Variants in LGSN observed in about 807,000 individuals in gnomAD.
LGSN encodes lengsin, lens protein with glutamine synthetase domain.
LGSN carries 21 observed loss-of-function variants against 19.5 expected under a neutral mutation model. The observed-to-expected ratio is 1.07, with a 90% CI of 0.76 to 1.55. The LOEUF (loss-of-function observed/expected upper bound fraction) is 1.55, where lower values mean the gene tolerates loss of function less well. Among genes scored for constraint, LGSN ranks in the 40% most tolerant of loss-of-function variants. LGSN has a pLI of 0.00. For synonymous variants in LGSN, 257 were observed against 215.6 expected (o/e 1.19, Z -1.68); for missense variants, 673 against 608.5 (o/e 1.11, Z -1.12).
the LGSN span, among the ~76,000 whole-genome samples, chr6:63,449,850 A>G: frequency 6.6e-6 from 1 of 152,210 alleles, no homozygotes; most frequent in Non-Finnish European, 1.5e-5. Flanking sequence ...AAGTAATGTA[A>G]GCCACTATGT....
chr6:63,539,300 A>G, the LGSN span, among the ~76,000 whole-genome samples: 1 of 152,228 alleles, frequency 6.6e-6, no homozygotes, highest in African/African-American at 2.4e-5. Flanking sequence ...TTCAATAAGT[A>G]TACTTGATCT....
rs754238083 is a variant in LGSN, at chr6:63,280,478, AG to A, written c.1072del (p.Leu358Ter). On this transcript the variant is annotated frameshift_variant, in exon 4 of 4. Coordinates refer to ENST00000370657, the MANE Select transcript of LGSN (RefSeq NM_016571.3). LOFTEE classifies it low-confidence loss of function (END_TRUNC). ...TCGGCAGCTAACAGAAGGCGCCATC[AG>A]GCAGCTGAGCGCAGCAGAGTGCTTC... is the stretch of plus-strand genomic sequence containing the variant. ...LLKHSAALSCLMAPSVSCRKR... is the reference protein window; with the variant it reads ...LLKHSAALSCXMAPSVSCRKR... 2 of 1,614,156 alleles carry A rather than the reference AG, an allele frequency of 1.2e-6. No homozygotes were observed. Among genetic ancestry groups the A allele is most frequent in the Non-Finnish European group, 1.7e-6 (2 of 1,180,038 alleles).
At chr6:63,478,005 T>G in the LGSN span, among the ~76,000 whole-genome samples, 316 of 152,248 alleles carry the variant, frequency 2.1e-3, 3 homozygotes, top group Admixed American at 5.2e-3. Flanking sequence ...CTCCTCCTAC[T>G]TCTCATATTC....
chr6:63,460,148 C>T, the LGSN span, among the ~76,000 whole-genome samples: 1,941 of 104,200 alleles, frequency 0.019, 59 homozygotes, highest in African/African-American at 0.068. Context: ...TTAGTAGAGA[C>T]GGAGTTTCAA....
chr6:63,497,389 C>A, the LGSN span, among the ~76,000 whole-genome samples: 81,076 of 151,664 alleles, frequency 0.53, 23,525 homozygotes, highest in African/African-American at 0.77. Flanking sequence ...TCTCTACTAA[C>A]AATACAAAAA....
chr6:63,497,924 T>C, the LGSN span, among the ~76,000 whole-genome samples: 1 of 145,976 alleles, frequency 6.9e-6, no homozygotes, highest in East Asian at 2.0e-4. Context: ...GTTTCTTTTT[T>C]TTTTTTTTCT....
At chr6:63,518,353 A>G in the LGSN span, among the ~76,000 whole-genome samples, 2 of 152,142 alleles carry the variant, frequency 1.3e-5, no homozygotes, top group African/African-American at 4.8e-5. Flanking sequence ...CTAACAGCTT[A>G]GGTATCTTGA....
the LGSN span, among the ~76,000 whole-genome samples, chr6:63,364,749 G>C: frequency 4.6e-5 from 7 of 152,186 alleles, no homozygotes; most frequent in Non-Finnish European, 1.0e-4. Flanking sequence ...TCAGACCACA[G>C]TGCAATCAAA....
At chr6:63,527,962 A>T in the LGSN span, 13 of 152,178 alleles carry the variant, frequency 8.5e-5, no homozygotes, top group Non-Finnish European at 7.3e-5. Flanking sequence ...AAAAGCATCT[A>T]TGTGTTTATG....
chr6:63,506,241 T>TTGTTGG, the LGSN span, among the ~76,000 whole-genome samples: 9 of 103,240 alleles, frequency 8.7e-5, no homozygotes, highest in African/African-American at 1.2e-4. Flanking sequence ...CTTGTTGTTG[T>TTGTTGG]TGGTGGTGGT....
At chr6:63,449,907 T>G in the LGSN span, among the ~76,000 whole-genome samples, 1 of 152,104 alleles carries the variant, frequency 6.6e-6, no homozygotes, top group African/African-American at 2.4e-5. Flanking sequence ...ATAAACACAA[T>G]TATTTATCAA....
At chr6:63,349,852 G>A in the LGSN span, among the ~76,000 whole-genome samples, 3 of 152,192 alleles carry the variant, frequency 2.0e-5, no homozygotes, top group Admixed American at 1.3e-4. Context: ...AAGGTGTTGG[G>A]TAGGCTGAGT....
chr6:63,350,667 C>T, the LGSN span, among the ~76,000 whole-genome samples: 10 of 152,108 alleles, frequency 6.6e-5, no homozygotes, highest in African/African-American at 2.4e-4. Flanking sequence ...GCCTGGCCAA[C>T]ATGGTGAAAC....
At chr6:63,425,699 G>A in the LGSN span, among the ~76,000 whole-genome samples, 188 of 152,182 alleles carry the variant, frequency 1.2e-3, no homozygotes, top group African/African-American at 4.3e-3. Context: ...GGATCTTGGT[G>A]GGTGGCTGAT....
the LGSN span, among the ~76,000 whole-genome samples, chr6:63,444,447 G>A: frequency 7.2e-5 from 11 of 152,312 alleles, no homozygotes; most frequent in African/African-American, 2.6e-4. Context: ...TACACAAGTG[G>A]TTGTAATTTC....
At chr6:63,551,220 C>T in the LGSN span, among the ~76,000 whole-genome samples, 1 of 151,978 alleles carries the variant, frequency 6.6e-6, no homozygotes, top group Non-Finnish European at 1.5e-5. Flanking sequence ...GGCGCGCCAC[C>T]ACACCTGGCT....
chr6:63,361,877 A>C, the LGSN span, among the ~76,000 whole-genome samples: 1 of 152,154 alleles, frequency 6.6e-6, no homozygotes, highest in South Asian at 2.1e-4. Flanking sequence ...AATGAAGGGG[A>C]GGTTGATTAC....
the LGSN span, chr6:63,571,085 T>C: frequency 6.6e-6 from 1 of 152,208 alleles, no homozygotes; most frequent in Non-Finnish European, 1.5e-5. Context: ...TGGATTAAAA[T>C]GTGTCGTAGG....
At chr6:63,325,112 A>G in the LGSN span, among the ~76,000 whole-genome samples, 30 of 150,962 alleles carry the variant, frequency 2.0e-4, no homozygotes, top group Admixed American at 2.0e-3. Context: ...TCAAAAAAAA[A>G]AAAAAAAAAA....
Sources: gnomAD v4.1 joint callset for allele counts (sites outside exome capture counted in the v4.1 genomes callset) on GRCh38, gnomAD v4.1.1 for gene constraint, MANE v1.5 for transcripts, NCBI Gene and HGNC (gene_info 2026-07-23, HGNC 2026-07-21) for gene names.